The following WDR70 variants were observed in gnomAD, a reference collection of about 807,000 sequenced individuals.
The protein encoded by WDR70 is WD repeat-containing protein 70.
Under a neutral mutation model 88.6 loss-of-function variants are expected in WDR70, and 53 were observed. That is an observed-to-expected ratio of 0.60 (90% CI 0.48 to 0.75). WDR70 has a LOEUF of 0.75. WDR70 is among the 30% of genes least tolerant of loss of function. The pLI is 0.00. For missense variants in WDR70, 610 were observed against 823.2 expected (o/e 0.74, Z 3.17); for synonymous variants, 280 against 270.0 (o/e 1.04, Z -0.36).
chr5:37,572,471 C>T (rs541053334), intron 9 of WDR70, among the ~76,000 whole-genome samples: 8 of 152,146 alleles, frequency 5.3e-5, no homozygotes, highest in African/African-American at 1.4e-4. Context: ...TGATGGGGTA[C>T]AAGTGCAATT....
intron 8 of WDR70, among the ~76,000 whole-genome samples, chr5:37,488,191 A>G (rs1280648065): frequency 7.0e-6 from 1 of 142,636 alleles, no homozygotes; most frequent in African/African-American, 2.6e-5. Flanking sequence ...GTGGTCTTAT[A>G]TGTGACTAGA....
chr5:37,639,260 G>A (rs186126985), intron 10 of WDR70, among the ~76,000 whole-genome samples: 7 of 152,288 alleles, frequency 4.6e-5, no homozygotes, highest in Non-Finnish European at 1.0e-4. Context: ...AAGACTCAGT[G>A]AAGCAGTTTT....
At chr5:37,561,986 G>A (rs1742520582) in intron 9 of WDR70, among the ~76,000 whole-genome samples, 1 of 152,272 alleles carries the variant, frequency 6.6e-6, no homozygotes, top group African/African-American at 2.4e-5. Context: ...TGGTCCTGGG[G>A]TCTACATATG....
chr5:37,476,376 C>T (rs900354568), intron 7 of WDR70, among the ~76,000 whole-genome samples: 3 of 152,106 alleles, frequency 2.0e-5, no homozygotes, highest in Non-Finnish European at 2.9e-5. Context: ...TATAGTTGTC[C>T]CCTTGTTATA....
chr5:37,575,594 C>T (rs1413255700), intron 9 of WDR70, among the ~76,000 whole-genome samples: 2 of 152,208 alleles, frequency 1.3e-5, no homozygotes, highest in Non-Finnish European at 2.9e-5. Flanking sequence ...TTGGTAAATA[C>T]AACCACATGC....
At chr5:37,622,650 C>T (rs916418405) in intron 10 of WDR70, among the ~76,000 whole-genome samples, 1 of 151,860 alleles carries the variant, frequency 6.6e-6, no homozygotes, top group Non-Finnish European at 1.5e-5. Context: ...GACAAAAAAC[C>T]AAACACCGCA....
intron 8 of WDR70, among the ~76,000 whole-genome samples, chr5:37,515,371 T>C: frequency 6.6e-6 from 1 of 152,252 alleles, no homozygotes; most frequent in East Asian, 1.9e-4. Context: ...GTGTTCGAGA[T>C]GCCTATGATA....
rs531071043 is a variant in WDR70, at chr5:37,635,196, A to G, written c.1092+29958A>G. Among the ~76,000 whole-genome samples the G allele has an allele frequency of 1.4e-3, 207 of 152,274 alleles. 1 individual carries two copies. Among genetic ancestry groups the G allele is most frequent in the Non-Finnish European group, 2.5e-3 (170 of 68,026 alleles). On this transcript the variant is annotated intron_variant, in intron 10 of 17. Coordinates refer to ENST00000265107, the MANE Select transcript of WDR70 (RefSeq NM_018034.4). ...TCCTGCCTTACTCAACTTTGGATCA[A>G]ACTTCCTTCTGGATGCATATCCTTA... is the stretch of plus-strand genomic sequence containing the variant.
intron 2 of WDR70, among the ~76,000 whole-genome samples, chr5:37,379,974 C>T (rs1340293890): frequency 6.6e-6 from 1 of 151,994 alleles, no homozygotes; most frequent in Non-Finnish European, 1.5e-5. Flanking sequence ...TGCTTATTGC[C>T]GTAATACCCA....
chr5:37,522,660 C>T (rs1003822690), intron 9 of WDR70, among the ~76,000 whole-genome samples: 37 of 152,156 alleles, frequency 2.4e-4, no homozygotes, highest in African/African-American at 8.2e-4. Flanking sequence ...GCCCACTGAA[C>T]GTGAGCCAAA....
At chr5:37,526,347 G>A (rs141168795) in intron 9 of WDR70, among the ~76,000 whole-genome samples, 6,105 of 152,172 alleles carry the variant, frequency 0.04, 442 homozygotes, top group African/African-American at 0.14. Flanking sequence ...ATCAATAAAC[G>A]TAATCCATCA....
intron 10 of WDR70, among the ~76,000 whole-genome samples, chr5:37,650,472 G>C (rs1443714780): frequency 1.3e-5 from 2 of 152,166 alleles, no homozygotes; most frequent in Non-Finnish European, 2.9e-5. Context: ...ACTTGGTAAA[G>C]AGTCAGAGAT....
At chr5:37,732,341 T>A (rs1209607559) in intron 17 of WDR70, among the ~76,000 whole-genome samples, 2 of 152,142 alleles carry the variant, frequency 1.3e-5, no homozygotes, top group Non-Finnish European at 2.9e-5. Context: ...TCCAGACATA[T>A]TTAGCTCATT....
intron 7 of WDR70, among the ~76,000 whole-genome samples, chr5:37,473,588 C>G (rs1739393411): frequency 6.6e-6 from 1 of 152,192 alleles, no homozygotes; most frequent in Non-Finnish European, 1.5e-5. Context: ...AGGTGATCTG[C>G]CCGCCTCTGC....
intron 8 of WDR70, chr5:37,506,217 G>T: frequency 1.0e-6 from 1 of 969,490 alleles, no homozygotes; most frequent in Non-Finnish European, 1.7e-6. Flanking sequence ...TTCTGACTTG[G>T]TTGGAGTTGC....
At chr5:37,615,192 A>G (rs914883530) in intron 10 of WDR70, among the ~76,000 whole-genome samples, 4 of 152,144 alleles carry the variant, frequency 2.6e-5, no homozygotes, top group African/African-American at 7.2e-5. Flanking sequence ...TACAGTGTCA[A>G]TTCAGGGTCT....
At chr5:37,402,973 G>A (rs1376026126) in intron 5 of WDR70, among the ~76,000 whole-genome samples, 5 of 78,612 alleles carry the variant, frequency 6.4e-5, no homozygotes, top group African/African-American at 2.4e-4. Context: ...TTGAGTCAAA[G>A]TCTTGCTCTG....
chr5:37,499,588 TCTCTCTCTC>T (rs1561876775), intron 8 of WDR70, among the ~76,000 whole-genome samples: 1 of 102,686 alleles, frequency 9.7e-6, no homozygotes. Flanking sequence ...TTGGAAATAT[TCTCTCTCTC>T]TCTCTCTCTC....
chr5:37,417,638 A>C (rs1749802559), intron 5 of WDR70, among the ~76,000 whole-genome samples: 1 of 151,856 alleles, frequency 6.6e-6, no homozygotes, highest in Non-Finnish European at 1.5e-5. Flanking sequence ...TCCTGGGCTT[A>C]AGTGATTCTC....
Sources: gnomAD v4.1 joint callset for allele counts (sites outside exome capture counted in the v4.1 genomes callset) on GRCh38, gnomAD v4.1.1 for gene constraint, MANE v1.5 for transcripts, NCBI Gene and HGNC (gene_info 2026-07-23, HGNC 2026-07-21) for gene names.